Variants in SMTN observed in about 807,000 individuals in gnomAD.
The protein encoded by SMTN is smoothelin.
SMTN carries 58 observed loss-of-function variants against 102.0 expected under a neutral mutation model. The observed-to-expected ratio is 0.57, with a 90% CI of 0.46 to 0.71. SMTN has a LOEUF of 0.71. Among genes scored for constraint, SMTN ranks in the 30% least tolerant of loss-of-function variants. The pLI, the probability that SMTN is intolerant of heterozygous loss-of-function variation, is 0.00. For synonymous variants in SMTN, 478 were observed against 497.9 expected (o/e 0.96, Z 0.53); for missense variants, 1,185 against 1,241.7 (o/e 0.95, Z 0.69).
At chr22:31,091,549 A>G in intron 10 of SMTN, 67 bp downstream of exon 10, 1 of 1,505,400 alleles carries the variant, frequency 6.6e-7, no homozygotes, top group South Asian at 1.3e-5. Flanking sequence ...CATGCAGGAC[A>G]GGTGCTGCGG....
In SMTN at chr22:31,091,101, A is replaced by G. The variant is rs1602631287; in HGVS notation, c.1078A>G (p.Thr360Ala). 1.2e-6 allele frequency: 2 copies of G among 1,612,518 alleles called. No homozygotes were observed. The highest frequency in any genetic ancestry group is 2.2e-5 in the South Asian group (2 of 90,974). Reference sequence around the variant, plus strand: ...ACCCCAGGCTGCCCTAAGTCCCCTGACCCCCGCAAGGCTCCTGGGCCCCTC... The same window carrying G: ...ACCCCAGGCTGCCCTAAGTCCCCTGGCCCCCGCAAGGCTCCTGGGCCCCTC... ...GTPQAALSPLTPARLLGPSLT... is the reference protein window; with the variant it reads ...GTPQAALSPLAPARLLGPSLT... Residue 360 changes from threonine (T) to alanine (A), a missense_variant, in exon 10 of 21, where the codon ACC becomes GCC. Thr to Ala is a moderately conservative substitution (Grantham distance 58). This residue lies in a region of SMTN where 1,096 missense variants were observed against 1,112.7 expected (regional missense o/e 0.98). Transcript: ENST00000333137.
intron 11 of SMTN, chr22:31,093,832 AC>A (rs2043346091): frequency 1.9e-6 from 3 of 1,585,266 alleles, no homozygotes; most frequent in Non-Finnish European, 2.6e-6. Context: ...TGCCTTCAGC[AC>A]CCGCCGCCGC....
upstream of SMTN, among the ~76,000 whole-genome samples, chr22:31,078,652 C>G (rs1325041035): frequency 6.6e-6 from 1 of 152,262 alleles, no homozygotes; most frequent in Non-Finnish European, 1.5e-5. Context: ...GACTATTGGT[C>G]TTTGCTCACA....
intron 1 of SMTN, chr22:31,082,502 C>A (rs2042375508): frequency 2.1e-6 from 1 of 478,968 alleles, no homozygotes; most frequent in Non-Finnish European, 4.3e-6. Context: ...CCTTGGCCCT[C>A]TCCAATCTTC....
chr22:31,069,205 GGATCCTTATT>G (rs1393134559), intron 1 of SMTN, among the ~76,000 whole-genome samples: 1 of 152,086 alleles, frequency 6.6e-6, no homozygotes, highest in Non-Finnish European at 1.5e-5. Context: ...TCAACTTCCA[GGATCCTTATT>G]GGTCCTTGGT....
chr22:31,089,087 A>G, intron 6 of SMTN, 118 bp downstream of exon 6: 1 of 803,914 alleles, frequency 1.2e-6, no homozygotes, highest in Non-Finnish European at 2.0e-6. Context: ...CCTGCCATCC[A>G]GCCTCTATTT....
intron 2 of SMTN, 177 bp downstream of exon 2, chr22:31,083,486 G>GGACAGGCACA: frequency 1.3e-6 from 1 of 742,328 alleles, no homozygotes; most frequent in Non-Finnish European, 2.1e-6. Flanking sequence ...CTTGTGGCAT[G>GGACAGGCACA]TGCCTGTCCA....
At position 31,099,838 on chromosome 22, in the gene SMTN, G is replaced by C; in HGVS notation, c.2545G>C (p.Gly849Arg). ...CTTCTTCCCTGAGGCCTTCGACTAT[G>C]GGCAGCTTAGCCCTCAGAACCGACG... ...HNFFPEAFDY[G>R]QLSPQNRRQN... The change falls in exon 19 of 21, where the codon GGG becomes CGG. Residue 849 changes from glycine (G) to arginine (R), a missense_variant. Transcript: ENST00000333137. The C allele has an allele frequency of 6.2e-7, 1 of 1,614,086 alleles. No homozygotes were observed. Among genetic ancestry groups the C allele is most frequent in the South Asian group, 1.1e-5 (1 of 91,092 alleles).
In SMTN at chr22:31,095,828, A is replaced by C. The variant is rs555345056; in HGVS notation, c.1861+219A>C. Reference sequence around the variant, plus strand: ...CTGGTGACCCCAGTTATTCTCCCCAACCAGCTTCTCTTCTCCTTCCTAGAC... The same window carrying C: ...CTGGTGACCCCAGTTATTCTCCCCACCCAGCTTCTCTTCTCCTTCCTAGAC... On this transcript the variant is annotated intron_variant, in intron 13 of 20. Transcript: ENST00000333137. The surrounding 1 kb of genome is among the most constrained non-coding windows in gnomAD (Gnocchi z 4.1). 5.3e-6 allele frequency: 3 copies of C among 568,170 alleles called. No individual in the cohort carries two copies. The highest frequency in any genetic ancestry group is 9.4e-6 in the Non-Finnish European group (3 of 319,720). 35.2% of individuals were successfully genotyped at this position (568,170 alleles called of 1,614,324 possible).
intron 19 of SMTN, 147 bp downstream of exon 19, chr22:31,100,043 C>G (rs944279501): frequency 2.1e-5 from 16 of 770,120 alleles, no homozygotes; most frequent in African/African-American, 5.3e-5. Context: ...GAGTCCCCGT[C>G]CTTCTCCATC....
chr22:31,086,143 G>C (rs1471102299), intron 2 of SMTN, among the ~76,000 whole-genome samples: 1 of 152,122 alleles, frequency 6.6e-6, no homozygotes, highest in African/African-American at 2.4e-5. Flanking sequence ...CATTCCCCCC[G>C]CCTCTGCTAT....
rs1234540325 is a variant in SMTN, at chr22:31,091,290, G to A, written c.1267G>A (p.Ala423Thr). ...GGGCCCCAGGGGGCGGGGCTTGGCT[G>A]CTAGGCCCCTTGAAAACAGAGCAGG... ...EEGPRGRGLA[A>T]RPLENRAGGP... The change falls in exon 10 of 21, where the codon GCT (alanine) becomes ACT (threonine). Residue 423 changes from alanine to threonine, a missense_variant. Coordinates refer to ENST00000333137, the MANE Select transcript of SMTN (RefSeq NM_134269.3). The A allele has an allele frequency of 1.9e-6, 3 of 1,599,646 alleles. No homozygotes were observed. Among genetic ancestry groups the A allele is most frequent in the Non-Finnish European group, 2.6e-6 (3 of 1,174,038 alleles).
chr22:31,091,316 G>A lies in SMTN; in HGVS notation c.1293G>A (p.Gly431=). 2 of 1,604,644 alleles carry A rather than the reference G, an allele frequency of 1.2e-6. No individual in the cohort carries two copies. Among genetic ancestry groups the A allele is most frequent in the Non-Finnish European group, 8.5e-7 (1 of 1,177,222 alleles). Residue 431 remains glycine (G), a synonymous_variant, in exon 10 of 21, where the codon GGG becomes GGA. Coordinates refer to ENST00000333137, the MANE Select transcript of SMTN (RefSeq NM_134269.3). ...CTAGGCCCCTTGAAAACAGAGCAGGGGGGCCTGTGGCACGTTCAGAGGAGC... is the reference window on the plus strand; with the variant it reads ...CTAGGCCCCTTGAAAACAGAGCAGGAGGGCCTGTGGCACGTTCAGAGGAGC... ...LAARPLENRA[G]GPVARSEEPG... is the part of the protein sequence containing the mutation.
intron 19 of SMTN, among the ~76,000 whole-genome samples, 199 bp from the exon 20 acceptor site, chr22:31,100,686 G>T (rs1049656096): frequency 5.3e-5 from 8 of 152,208 alleles, no homozygotes; most frequent in African/African-American, 1.9e-4. Context: ...GTCCACAGTG[G>T]GGAGGAGGCA....
intron 1 of SMTN, chr22:31,082,658 A>G (rs1569238956): frequency 4.9e-6 from 3 of 617,800 alleles, no homozygotes; most frequent in South Asian, 3.3e-5. Context: ...GCTGGCTCCA[A>G]GAATCGGAAG....
intron 11 of SMTN, 82 bp downstream of exon 11, chr22:31,091,929 C>T (rs2043170723): frequency 1.6e-6 from 2 of 1,290,294 alleles, no homozygotes; most frequent in South Asian, 3.1e-5. Context: ...AGCAGGGTTC[C>T]TCTGCTCCTC....
At chr22:31,103,445 A>C (rs1333688501) in intron 20 of SMTN, 1 of 152,166 alleles carries the variant, frequency 6.6e-6, no homozygotes, top group African/African-American at 2.4e-5. Flanking sequence ...GGCACAACCC[A>C]CTCACTCCAG....
At position 31,096,782 on chromosome 22, in the gene SMTN, G is replaced by T; in HGVS notation, c.1911G>T (p.Arg637=). 2 of 1,564,648 alleles carry T rather than the reference G, an allele frequency of 1.3e-6. No individual in the cohort carries two copies. Among genetic ancestry groups the T allele is most frequent in the Non-Finnish European group, 8.6e-7 (1 of 1,157,342 alleles). ...GGCGGCTGCAGGAGGCACGGGGCCG[G>T]CCAGGGGAGGGGCGCGGCAACACAG... ...RERRLQEARG[R]PGEGRGNTAT... The change falls in exon 14 of 21, where the codon CGG becomes CGT. Residue 637 remains arginine (R), a synonymous_variant. Coordinates refer to ENST00000333137, the MANE Select transcript of SMTN (RefSeq NM_134269.3).
chr22:31,089,318 G>A (rs922225283), intron 6 of SMTN, among the ~76,000 whole-genome samples: 6 of 152,156 alleles, frequency 3.9e-5, no homozygotes, highest in African/African-American at 1.2e-4. Context: ...AGCAGAGGCC[G>A]CTGGGTCCAC....
Sources: gnomAD v4.1 joint callset for allele counts (sites outside exome capture counted in the v4.1 genomes callset) on GRCh38, gnomAD v4.1.1 for gene constraint, gnomAD v4.1.1 regional missense constraint, Gnocchi (gnomAD v3.1) non-coding constraint, MANE v1.5 for transcripts, NCBI Gene and HGNC (gene_info 2026-07-23, HGNC 2026-07-21) for gene names.